Variants in POU6F2 observed in about 807,000 individuals in gnomAD.
The protein encoded by POU6F2 is POU domain, class 6, transcription factor 2.
Under a neutral mutation model 71.3 loss-of-function variants are expected in POU6F2, and 31 were observed. That is an observed-to-expected ratio of 0.43 (90% CI 0.33 to 0.59). The LOEUF is 0.59. Among genes scored for constraint, POU6F2 ranks in the 20% least tolerant of loss-of-function variants. The pLI is 0.04. For synonymous variants in POU6F2, 347 were observed against 355.7 expected, an observed-to-expected ratio of 0.98 and a Z score of 0.27; for missense variants, 783 against 856.8, an observed-to-expected ratio of 0.91 and a Z score of 1.07.
intron 1 of POU6F2, among the ~76,000 whole-genome samples, chr7:39,069,645 C>T (rs1391888592): frequency 6.6e-6 from 1 of 151,698 alleles, no homozygotes; most frequent in Admixed American, 6.6e-5. Context: ...CATAAACATT[C>T]GATTAACACT....
At chr7:39,435,111 T>C (rs1788207981) in intron 7 of POU6F2, among the ~76,000 whole-genome samples, 1 of 152,220 alleles carries the variant, frequency 6.6e-6, no homozygotes, top group Admixed American at 6.5e-5. Flanking sequence ...CATATGTCTT[T>C]ACAGTAGAAA....
chr7:38,979,744 T>C (rs1009238968), intron 1 of POU6F2, among the ~76,000 whole-genome samples: 1 of 152,186 alleles, frequency 6.6e-6, no homozygotes, highest in African/African-American at 2.4e-5. Flanking sequence ...TCCTGTTTAA[T>C]AAAACTTTTC....
At chr7:39,148,532 G>T (rs1383062090) in intron 2 of POU6F2, among the ~76,000 whole-genome samples, 1 of 151,778 alleles carries the variant, frequency 6.6e-6, no homozygotes, top group Non-Finnish European at 1.5e-5. Context: ...TGTTGATGAT[G>T]ATAGTGATAA....
chr7:39,284,639 T>A (rs1454353452), intron 4 of POU6F2, among the ~76,000 whole-genome samples: 1 of 152,214 alleles, frequency 6.6e-6, no homozygotes, highest in Non-Finnish European at 1.5e-5. Context: ...ACTATATCCT[T>A]TGGAGAAATA....
At chr7:39,451,393 G>C (rs1788655590) in intron 7 of POU6F2, 140 bp from the exon 8 acceptor site, 7 of 839,924 alleles carry the variant, frequency 8.3e-6, no homozygotes, top group African/African-American at 1.7e-5. Flanking sequence ...ACTGCCTGCT[G>C]TGTAGGGTGC....
chr7:39,001,639 C>T (rs753635062), intron 1 of POU6F2, among the ~76,000 whole-genome samples: 49 of 148,698 alleles, frequency 3.3e-4, no homozygotes, highest in Admixed American at 1.2e-3. Flanking sequence ...GCTGGTGCTG[C>T]CATGGGAGAA....
chr7:39,163,714 C>T (rs138816297), intron 2 of POU6F2, among the ~76,000 whole-genome samples: 399 of 152,274 alleles, frequency 2.6e-3, no homozygotes, highest in Non-Finnish European at 4.8e-3. Context: ...GTCTGCACTC[C>T]CATGTTCATT....
chr7:39,103,073 A>G (rs927093044), intron 2 of POU6F2, among the ~76,000 whole-genome samples: 2 of 152,222 alleles, frequency 1.3e-5, no homozygotes, highest in Admixed American at 1.3e-4. Context: ...ATATCCAACA[A>G]ATATTTATTG....
chr7:39,434,883 G>A (rs1438619591), intron 7 of POU6F2, among the ~76,000 whole-genome samples: 1 of 152,100 alleles, frequency 6.6e-6, no homozygotes, highest in African/African-American at 2.4e-5. Context: ...AACATGAGGT[G>A]TTTGGTTTTC....
chr7:39,015,142 A>G (rs1789437157), intron 1 of POU6F2, among the ~76,000 whole-genome samples: 1 of 150,812 alleles, frequency 6.6e-6, no homozygotes. Flanking sequence ...TCAATGCCTA[A>G]CAATTTCTTA....
intron 2 of POU6F2, among the ~76,000 whole-genome samples, chr7:39,125,540 T>G (rs552791650): frequency 1.0e-3 from 158 of 152,236 alleles, no homozygotes; most frequent in African/African-American, 3.2e-3. Context: ...ATATATTACA[T>G]TTTTTTCATA....
Position 39,387,563 on chromosome 7 carries a change from G to A in POU6F2, c.973-19037G>A, listed in dbSNP as rs189661168. The stretch of plus-strand genomic sequence containing the variant: ...TGGAATGTCAGGATCAAGTTAGTAC[G>A]TCAGGTGCGCATTCCATCCACATGA... On this transcript the variant is annotated intron_variant, in intron 5 of 9. Transcript: ENST00000518318. Among the ~76,000 whole-genome samples, 26 of 152,304 alleles carry A rather than the reference G, an allele frequency of 1.7e-4. No homozygotes were observed. The East Asian group carries it at 2.7e-3, about 16-fold the overall frequency.
intron 1 of POU6F2, among the ~76,000 whole-genome samples, chr7:39,065,418 G>GATAA (rs973384982): frequency 3.3e-5 from 5 of 151,470 alleles, no homozygotes; most frequent in African/African-American, 1.2e-4. Context: ...TTTTTAAACG[G>GATAA]ATAAATAAAT....
At chr7:39,023,225 T>G (rs1249551847) in intron 1 of POU6F2, among the ~76,000 whole-genome samples, 1 of 152,132 alleles carries the variant, frequency 6.6e-6, no homozygotes, top group Admixed American at 6.6e-5. Context: ...TTTAAAAATA[T>G]GTATACTAGC....
At chr7:39,020,736 C>T (rs969746410) in intron 1 of POU6F2, among the ~76,000 whole-genome samples, 1 of 151,110 alleles carries the variant, frequency 6.6e-6, no homozygotes. Context: ...AATTTCTCAT[C>T]GTATTTCTAA....
At chr7:39,242,850 C>T (rs1009871758) in intron 4 of POU6F2, among the ~76,000 whole-genome samples, 33 of 152,124 alleles carry the variant, frequency 2.2e-4, no homozygotes, top group Admixed American at 2.1e-3. Context: ...AATCTTCACA[C>T]CACCTCCATC....
At chr7:39,085,455 G>A (rs550102862) in intron 1 of POU6F2, among the ~76,000 whole-genome samples, 5 of 152,162 alleles carry the variant, frequency 3.3e-5, no homozygotes, top group African/African-American at 1.2e-4. Flanking sequence ...GTATGTTGCT[G>A]AAGTACAAAC....
chr7:39,024,156 T>G (rs1343802228), intron 1 of POU6F2, among the ~76,000 whole-genome samples: 1 of 152,162 alleles, frequency 6.6e-6, no homozygotes, highest in Non-Finnish European at 1.5e-5. Flanking sequence ...GTTCCTCCAT[T>G]TGTTTGTATC....
At chr7:39,412,286 C>G (rs1354075537) in intron 6 of POU6F2, among the ~76,000 whole-genome samples, 1 of 152,172 alleles carries the variant, frequency 6.6e-6, no homozygotes, top group East Asian at 1.9e-4. Flanking sequence ...GAAAAACCAG[C>G]AATTAACCCT....
Sources: gnomAD v4.1 joint callset for allele counts (sites outside exome capture counted in the v4.1 genomes callset) on GRCh38, gnomAD v4.1.1 for gene constraint, MANE v1.5 for transcripts, NCBI Gene and HGNC (gene_info 2026-07-23, HGNC 2026-07-21) for gene names.